Variants in CYB5R4 observed in about 807,000 individuals in gnomAD.
CYB5R4 encodes the protein cytochrome b5 reductase 4, also known as N-terminal cytochrome b5 and cytochrome b5 oxidoreductase domain-containing protein.
A neutral mutation model predicts 70.2 loss-of-function variants in CYB5R4; 55 were observed. That is an observed-to-expected ratio of 0.78 (90% CI 0.63 to 0.98). The LOEUF (loss-of-function observed/expected upper bound fraction) is 0.98, where lower values mean the gene tolerates loss of function less well. Among genes scored for constraint, CYB5R4 ranks in the 50% least tolerant of loss-of-function variants. The pLI is 0.00. For synonymous variants in CYB5R4, 197 were observed against 199.5 expected, an observed-to-expected ratio of 0.99 and a Z score of 0.11; for missense variants, 562 against 612.6, an observed-to-expected ratio of 0.92 and a Z score of 0.87.
At chr6:83,894,282 A>G (rs2099461541) in intron 3 of CYB5R4, among the ~76,000 whole-genome samples, 1 of 152,188 alleles carries the variant, frequency 6.6e-6, no homozygotes, top group Admixed American at 6.6e-5. Flanking sequence ...TTCTGAGACA[A>G]CAGTCTTTAG....
chr6:83,933,312 T>C (rs979277492), intron 10 of CYB5R4, among the ~76,000 whole-genome samples: 1 of 152,228 alleles, frequency 6.6e-6, no homozygotes, highest in African/African-American at 2.4e-5. Flanking sequence ...CTTATATACT[T>C]ACTGCTACCA....
In CYB5R4 at chr6:83,893,636, A is replaced by G; in HGVS notation, c.330+14A>G. ...CTTTTTGATCAGGTAAGATGTGCTG[A>G]AAGTAACCAAAGTATTCCGGTGGAA... On this transcript the variant is annotated intron_variant, in intron 3 of 15. Transcript: ENST00000369681. 2 of 1,396,192 alleles carry G rather than the reference A, an allele frequency of 1.4e-6. No individual in the cohort carries two copies. Among genetic ancestry groups the G allele is most frequent in the Non-Finnish European group, 2.0e-6 (2 of 990,348 alleles). The allele number at this position is 1,396,192 out of a possible 1,614,324, so 86.5% of individuals were successfully genotyped here. A position where few individuals can be genotyped will look rare whatever the true frequency, so the allele number is the denominator to read the frequency against.
At chr6:83,869,235 C>G (rs2099457199) in intron 2 of CYB5R4, among the ~76,000 whole-genome samples, 1 of 152,088 alleles carries the variant, frequency 6.6e-6, no homozygotes, top group East Asian at 1.9e-4. Context: ...ATTTCCATTG[C>G]AGTTATTTAG....
In CYB5R4 at chr6:83,919,423, T is replaced by C; in HGVS notation, c.533T>C (p.Leu178Ser). The change falls in exon 7 of 16, where the codon TTA (leucine) becomes TCA (serine). Residue 178 changes from leucine (L) to serine (S), a missense_variant. Transcript: ENST00000369681. ...TATGATTGGTTCCAAACAGACTCTT[T>C]AGTCACCATTGCCATATATACTAAA... ...PSYDWFQTDS[L>S]VTIAIYTKQK... 6.6e-7 allele frequency: 1 copy of C among 1,523,172 alleles called. No individual in the cohort carries two copies. Among genetic ancestry groups the C allele is most frequent in the Non-Finnish European group, 9.0e-7 (1 of 1,116,852 alleles). 94.4% of individuals were successfully genotyped at this position (1,523,172 alleles called of 1,614,324 possible).
At chr6:83,958,505 A>G (rs2099472801) in intron 15 of CYB5R4, among the ~76,000 whole-genome samples, 1 of 152,210 alleles carries the variant, frequency 6.6e-6, no homozygotes, top group East Asian at 1.9e-4. Context: ...AGAAGGGGAT[A>G]GTACAGGCAG....
chr6:83,892,838 C>CTTCCTCTCTCTCTCTCTCTCTCT (rs1491066625), intron 2 of CYB5R4, among the ~76,000 whole-genome samples: 1 of 149,056 alleles, frequency 6.7e-6, no homozygotes, highest in African/African-American at 2.5e-5. Flanking sequence ...CTCTCTCTCT[C>CTTCCTCTCTCTCTCTCTCTCTCT]TTCCTCTCTC....
At chr6:83,904,451 AT>A (rs1363268527) in intron 3 of CYB5R4, among the ~76,000 whole-genome samples, 4 of 152,180 alleles carry the variant, frequency 2.6e-5, no homozygotes, top group African/African-American at 9.7e-5. Flanking sequence ...GTAGCCTAAC[AT>A]ATGTCTGTCA....
At chr6:83,936,562 A>G (rs973907866) in intron 12 of CYB5R4, among the ~76,000 whole-genome samples, 186 bp downstream of exon 12, 2 of 152,262 alleles carry the variant, frequency 1.3e-5, no homozygotes, top group South Asian at 4.1e-4. Context: ...TATTTGCAGC[A>G]TCACTGTTCA....
At chr6:83,896,900 A>T (rs1162118639) in intron 3 of CYB5R4, among the ~76,000 whole-genome samples, 1 of 151,796 alleles carries the variant, frequency 6.6e-6, no homozygotes, top group Non-Finnish European at 1.5e-5. Flanking sequence ...ACAGTGTGTG[A>T]GTTCCATTTT....
At position 83,891,224 on chromosome 6, in the gene CYB5R4, G is replaced by A. The variant is rs545462458; in HGVS notation, c.230-2298G>A. 3.3e-5 allele frequency among the ~76,000 whole-genome samples: 5 copies of A among 152,276 alleles called. No homozygotes were observed. In the East Asian group the frequency reaches 7.7e-4, roughly 24 times the overall value. ...GGCCTCCCAAGCTACTGGGATTACA[G>A]GCATAAGCCGCCATGCCTGGCCTAA... On this transcript the variant is annotated intron_variant, in intron 2 of 15. Transcript: ENST00000369681.
intron 4 of CYB5R4, among the ~76,000 whole-genome samples, chr6:83,911,346 T>C (rs1362138058): frequency 1.3e-5 from 2 of 152,042 alleles, no homozygotes; most frequent in Non-Finnish European, 1.5e-5. Flanking sequence ...GAGGAAAAAA[T>C]GGTTATTAAA....
intron 14 of CYB5R4, among the ~76,000 whole-genome samples, chr6:83,952,170 CG>C (rs1479855362): frequency 6.6e-6 from 1 of 152,038 alleles, no homozygotes; most frequent in African/African-American, 2.4e-5. Flanking sequence ...ACAAAGGAAA[CG>C]GGACTATTTA....
chr6:83,923,156 A>G (rs141402938), intron 9 of CYB5R4, among the ~76,000 whole-genome samples: 3 of 151,762 alleles, frequency 2.0e-5, no homozygotes, highest in African/African-American at 4.8e-5. Context: ...TCTTTCATCT[A>G]TATATTTAAA....
chr6:83,944,086 C>A (rs1263972482), intron 14 of CYB5R4, among the ~76,000 whole-genome samples: 1 of 152,086 alleles, frequency 6.6e-6, no homozygotes, highest in Non-Finnish European at 1.5e-5. Flanking sequence ...ATACAGAGAA[C>A]ACCACAAAGA....
chr6:83,919,308 A>AT, intron 6 of CYB5R4, 89 bp from the exon 7 acceptor site: 1 of 720,908 alleles, frequency 1.4e-6, no homozygotes, highest in Non-Finnish European at 2.2e-6. Context: ...GATATGTCTC[A>AT]TTATAAATTT....
chr6:83,918,055 A>G lies in CYB5R4; in HGVS notation c.496A>G (p.Ser166Gly), dbSNP rs750502574. 1.2e-6 allele frequency: 2 copies of G among 1,610,772 alleles called. No individual in the cohort carries two copies. The highest frequency in any genetic ancestry group is 1.7e-6 in the Non-Finnish European group (2 of 1,177,404). ...VTDTLAKEGP[S>G]YPSYDWFQTD... The stretch of plus-strand genomic sequence containing the variant: ...AGATACACTTGCCAAAGAAGGTCCT[A>G]GTTATCCAAGGTATGCATTCTTATT... Residue 166 changes from serine (S) to glycine (G), a missense_variant, in exon 6 of 16, where the codon AGT (serine) becomes GGT (glycine). Coordinates refer to ENST00000369681, the MANE Select transcript of CYB5R4 (RefSeq NM_016230.4).
chr6:83,887,452 T>A (rs1012324585), intron 2 of CYB5R4, among the ~76,000 whole-genome samples: 2 of 152,118 alleles, frequency 1.3e-5, no homozygotes, highest in Admixed American at 1.3e-4. Context: ...AAAGAGGTAA[T>A]TTAGTATGAA....
intron 12 of CYB5R4, among the ~76,000 whole-genome samples, chr6:83,938,710 G>A (rs9444113): frequency 0.043 from 6,518 of 152,192 alleles, 475 homozygotes; most frequent in African/African-American, 0.15. Context: ...CTGGGCTGTG[G>A]GTAAAAGTTA....
rs1371347958 is a variant in CYB5R4, at chr6:83,895,731, A to G, written c.330+2109A>G. Among the ~76,000 whole-genome samples the G allele has an allele frequency of 3.9e-5, 6 of 152,326 alleles. No individual in the cohort carries two copies. The East Asian group carries it at 5.8e-4, about 15-fold the overall frequency. ...GTTAAGTTTTCTAGTATTTAAAACA[A>G]TATTTACTAGATTGCTAGATTCAGA... On this transcript the variant is annotated intron_variant, in intron 3 of 15. Transcript: ENST00000369681.
Sources: allele counts gnomAD v4.1 joint callset (sites outside exome capture counted in the v4.1 genomes callset), GRCh38; gene constraint gnomAD v4.1.1; transcripts MANE v1.5; gene names NCBI Gene and HGNC (gene_info 2026-07-23, HGNC 2026-07-21).